TENT5D: variants seen among roughly 807,000 people sequenced by gnomAD.
The protein encoded by TENT5D is cancer/testis antigen 112.
For synonymous variants in TENT5D, 103 were observed against 100.6 expected (o/e 1.02, Z -0.15); for missense variants, 191 against 287.0 (o/e 0.67, Z 2.42).
chrX:80,383,692 C>A (rs1205084839), intron 3 of TENT5D, among the ~76,000 whole-genome samples: 1 of 110,546 alleles, frequency 9.0e-6, no homozygotes, highest in African/African-American at 3.3e-5. Flanking sequence ...CGGTCTCTAC[C>A]AAAAACACAA....
intron 3 of TENT5D, among the ~76,000 whole-genome samples, chrX:80,385,799 G>A (rs1341241328): frequency 8.9e-6 from 1 of 112,448 alleles, no homozygotes; most frequent in Non-Finnish European, 1.9e-5. Flanking sequence ...AGACATTTAT[G>A]CAAACAAAAG....
At chrX:80,336,910 G>A (rs935690056) in intron 2 of TENT5D, among the ~76,000 whole-genome samples, 32 of 112,110 alleles carry the variant, frequency 2.9e-4, no homozygotes, top group African/African-American at 1.0e-3. Context: ...AGTAAAAGAC[G>A]AATCGTAGCC....
chrX:80,340,142 A>G (rs1429323617), intron 2 of TENT5D, among the ~76,000 whole-genome samples: 1 of 111,141 alleles, frequency 9.0e-6, no homozygotes, highest in Non-Finnish European at 1.9e-5. Flanking sequence ...AAATTCTTCA[A>G]TGTAAGCATA....
chrX:80,425,484 C>T (rs1931972183), intron 1 of TENT5D, among the ~76,000 whole-genome samples: 1 of 111,956 alleles, frequency 8.9e-6, no homozygotes, highest in Admixed American at 9.5e-5. Context: ...TTATTAGATA[C>T]CTGCATTTGA....
At chrX:80,423,112 G>A (rs1931921118) in intron 1 of TENT5D, among the ~76,000 whole-genome samples, 1 of 112,036 alleles carries the variant, frequency 8.9e-6, no homozygotes, top group Non-Finnish European at 1.9e-5. Context: ...AGTTTGGAGA[G>A]GCAGCAACTC....
intron 3 of TENT5D, among the ~76,000 whole-genome samples, chrX:80,376,428 T>A (rs2147528830): frequency 8.9e-6 from 1 of 111,878 alleles, no homozygotes; most frequent in Non-Finnish European, 1.9e-5. Context: ...GTTACTTTCC[T>A]TTATGTATTG....
intron 3 of TENT5D, among the ~76,000 whole-genome samples, chrX:80,409,805 A>G (rs1931602206): frequency 9.7e-6 from 1 of 103,043 alleles, no homozygotes; most frequent in Non-Finnish European, 2.0e-5. Flanking sequence ...CCTAAGCCAA[A>G]AGAACAAAGC....
At chrX:80,407,188 T>A (rs1398968079) in intron 3 of TENT5D, among the ~76,000 whole-genome samples, 1 of 106,448 alleles carries the variant, frequency 9.4e-6, no homozygotes, top group Non-Finnish European at 1.9e-5. Context: ...AGAAACTGCA[T>A]CAACTAACGA....
Position 80,413,336 on chromosome X carries a change from C to T in TENT5D, c.-141-25274C>T, listed in dbSNP as rs765201001. ...ACATCATATATTTGATGCGTAAATA[C>T]ATAGACATATTCGACATGTAGTTAG... is the stretch of plus-strand genomic sequence containing the variant. On this transcript the variant is annotated intron_variant, in intron 3 of 4. Coordinates refer to the TENT5D transcript ENST00000538312. Among the ~76,000 whole-genome samples, 75 of 111,930 alleles carry T rather than the reference C, an allele frequency of 6.7e-4. No individual in the cohort carries two copies. The Middle Eastern group carries it at 0.014, about 21-fold the overall frequency.
At chrX:80,423,208 T>C (rs949399296) in intron 1 of TENT5D, among the ~76,000 whole-genome samples, 1 of 112,051 alleles carries the variant, frequency 8.9e-6, no homozygotes, top group Non-Finnish European at 1.9e-5. Context: ...CTACAGCCAC[T>C]GGAAGGGGCA....
intron 3 of TENT5D, among the ~76,000 whole-genome samples, chrX:80,407,589 C>A (rs6622096): frequency 0.06 from 6,007 of 100,556 alleles, 356 homozygotes; most frequent in African/African-American, 0.14. Flanking sequence ...AGGAGCACCC[C>A]GATTCATAAA....
At chrX:80,431,744 C>T (rs1932093070) in intron 1 of TENT5D, among the ~76,000 whole-genome samples, 1 of 111,497 alleles carries the variant, frequency 9.0e-6, no homozygotes, top group Non-Finnish European at 1.9e-5. Flanking sequence ...GAATCAGTTA[C>T]CTCCCACCAG....
upstream of TENT5D, among the ~76,000 whole-genome samples, chrX:80,419,820 C>G (rs1931849214): frequency 9.0e-6 from 1 of 111,685 alleles, no homozygotes; most frequent in African/African-American, 3.3e-5. Flanking sequence ...AAGCAATTCT[C>G]CTACCTCAGC....
At chrX:80,368,442 G>A (rs1409666240) in intron 3 of TENT5D, among the ~76,000 whole-genome samples, 1 of 111,666 alleles carries the variant, frequency 9.0e-6, no homozygotes, top group Non-Finnish European at 1.9e-5. Flanking sequence ...TACTTTTTGG[G>A]TTATTGTTTC....
chrX:80,434,941 C>T (rs1367033945), intron 1 of TENT5D, among the ~76,000 whole-genome samples: 1 of 109,811 alleles, frequency 9.1e-6, no homozygotes, highest in Non-Finnish European at 1.9e-5. Context: ...CGCCACCATG[C>T]CCAGCTAATT....
chrX:80,363,741 A>AT (rs1423184880), intron 3 of TENT5D, among the ~76,000 whole-genome samples: 3 of 111,928 alleles, frequency 2.7e-5, no homozygotes, highest in African/African-American at 9.7e-5. Context: ...GTTGTAGTTC[A>AT]TAAAGCATTT....
intron 3 of TENT5D, among the ~76,000 whole-genome samples, chrX:80,406,912 C>T (rs1291269335): frequency 2.0e-5 from 2 of 102,250 alleles, no homozygotes; most frequent in African/African-American, 3.6e-5. Flanking sequence ...TTGGCAGAAA[C>T]CCTACAAGCC....
chrX:80,428,196 G>T (rs1380214207), intron 1 of TENT5D, among the ~76,000 whole-genome samples: 1 of 112,210 alleles, frequency 8.9e-6, no homozygotes, highest in South Asian at 3.7e-4. Context: ...TTCAGACGGG[G>T]AGTTTTTTAG....
At chrX:80,443,678 T>G in exon 3 of TENT5D, 2 of 1,192,742 alleles carry the variant, frequency 1.7e-6, no homozygotes, top group Non-Finnish European at 1.1e-6. Context: ...TACCACCCAC[T>G]GCACTTTCGT....
Sources: gnomAD v4.1 joint callset for allele counts (sites outside exome capture counted in the v4.1 genomes callset) on GRCh38, gnomAD v4.1.1 for gene constraint, MANE v1.5 for transcripts, NCBI Gene and HGNC (gene_info 2026-07-23, HGNC 2026-07-21) for gene names.